The following RAB26 variants were observed in gnomAD, a reference collection of about 807,000 sequenced individuals.
RAB26 encodes ras-related protein Rab-26.
RAB26 carries 39 observed loss-of-function variants against 33.1 expected under a neutral mutation model. That is an observed-to-expected ratio of 1.18 (90% CI 0.91 to 1.54). The LOEUF (loss-of-function observed/expected upper bound fraction) is 1.54. Among genes scored for constraint, RAB26 ranks in the 40% most tolerant of loss-of-function variants. RAB26 has a pLI of 0.00. For synonymous variants in RAB26, 192 were observed against 151.9 expected (o/e 1.26, Z -1.94); for missense variants, 468 against 362.9 (o/e 1.29, Z -2.35).
At chr16:2,152,015 G>A (rs989612364) in intron 5 of RAB26, 107 bp downstream of exon 5, 1 of 1,454,054 alleles carries the variant, frequency 6.9e-7, no homozygotes, top group Non-Finnish European at 9.5e-7. Flanking sequence ...GCTGAGAGAG[G>A]GGAGGGGGAA....
In RAB26 at chr16:2,153,212, G is replaced by A; in HGVS notation, c.658G>A (p.Ala220Thr). The A allele has an allele frequency of 1.9e-6, 3 of 1,613,818 alleles. No homozygotes were observed. Among genetic ancestry groups the A allele is most frequent in the Non-Finnish European group, 2.5e-6 (3 of 1,180,018 alleles). ...TGLNVDLAFT[A>T]IAKELKQRSM... ...CCTCAACGTGGACTTGGCCTTCACAGCCATAGCAAAGTAAGTCCTGCCAGT... is the reference window on the plus strand; with the variant it reads ...CCTCAACGTGGACTTGGCCTTCACAACCATAGCAAAGTAAGTCCTGCCAGT... Residue 220 changes from alanine (A) to threonine (T), a missense_variant, in exon 8 of 9, where the codon GCC (alanine) becomes ACC (threonine). Physicochemically the swap from Ala to Thr is moderately conservative, Grantham distance 58. Coordinates refer to ENST00000210187, the MANE Select transcript of RAB26 (RefSeq NM_014353.5).
Position 2,148,981 on chromosome 16 carries a change from G to A in RAB26, c.195+3G>A, listed in dbSNP as rs1315914557. ...ACTTCTACGACGTCGCCTTCAAGGTGAGCCAGGCACCCGCCCCCCAGGCCA... is the reference window on the plus strand; with the variant it reads ...ACTTCTACGACGTCGCCTTCAAGGTAAGCCAGGCACCCGCCCCCCAGGCCA... On this transcript the variant is annotated splice_donor_region_variant and intron_variant, in intron 1 of 8. Transcript: ENST00000210187. The A allele has an allele frequency of 5.6e-5, 72 of 1,274,458 alleles. No individual in the cohort carries two copies. Among genetic ancestry groups the A allele is most frequent in the Non-Finnish European group, 6.5e-5 (66 of 1,009,410 alleles). The allele number at this position is 1,274,458 out of a possible 1,614,324, so 78.9% of individuals were successfully genotyped here.
intron 2 of RAB26, 117 bp from the exon 3 acceptor site, chr16:2,151,452 G>A: frequency 1.4e-6 from 2 of 1,456,266 alleles, no homozygotes; most frequent in South Asian, 2.3e-5. Flanking sequence ...GAAGCCTGCA[G>A]GGGCTGGGCT....
chr16:2,148,655 C>CGCA lies in RAB26; in HGVS notation c.-127_-126insAGC. The CGCA allele has an allele frequency of 2.7e-6, 2 of 753,890 alleles. No homozygotes were observed. Among genetic ancestry groups the CGCA allele is most frequent in the South Asian group, 1.2e-4 (2 of 17,204 alleles). 46.7% of individuals were successfully genotyped at this position (753,890 alleles called of 1,614,324 possible). ...AGCCGGGCGCCCGGGATGATGCCGC[C>CGCA]GCCGCCGCCGCCGCCGCCGCCGCCG... On this transcript the variant is annotated 5_prime_UTR_variant, in exon 1 of 9. Coordinates refer to ENST00000210187, the MANE Select transcript of RAB26 (RefSeq NM_014353.5).
At position 2,150,005 on chromosome 16, in the gene RAB26, C is replaced by G; in HGVS notation, c.260C>G (p.Ala87Gly). ...TCLLVRFKDG[A>G]FLAGTFISTV... ...CTGCTGGTGCGATTCAAGGATGGTGCTTTCCTGGCGGGGACCTTCATCTCC... is the reference window on the plus strand; with the variant it reads ...CTGCTGGTGCGATTCAAGGATGGTGGTTTCCTGGCGGGGACCTTCATCTCC... The change falls in exon 2 of 9, where the codon GCT becomes GGT. Residue 87 changes from alanine to glycine, a missense_variant. Transcript: ENST00000210187. The G allele has an allele frequency of 6.5e-6, 10 of 1,545,388 alleles. No individual in the cohort carries two copies. Among genetic ancestry groups the G allele is most frequent in the Non-Finnish European group, 8.7e-6 (10 of 1,144,026 alleles).
Position 2,153,376 on chromosome 16 carries a change from T to C in RAB26, c.726T>C (p.Asp242=). 1 of 1,613,452 alleles carries C rather than the reference T, an allele frequency of 6.2e-7. No individual in the cohort carries two copies. Residue 242 remains aspartate (D), a synonymous_variant, in exon 9 of 9, where the codon GAT becomes GAC. Coordinates refer to ENST00000210187, the MANE Select transcript of RAB26 (RefSeq NM_014353.5). The part of the protein sequence containing the change: ...APSEPRFRLH[D]YVKREGRGAS... ...GCGAGCCGCGCTTCCGGCTGCATGA[T>C]TACGTTAAGAGGGAGGGTCGAGGGG...
At chr16:2,152,939 C>T (rs748906502) in intron 6 of RAB26, 50 bp from the exon 7 acceptor site, 51 of 1,585,098 alleles carry the variant, frequency 3.2e-5, no homozygotes, top group Non-Finnish European at 4.3e-5. Context: ...GGTGAGGGGG[C>T]AGGGGCCAAC....
Position 2,153,991 on chromosome 16 carries a change from A to G in RAB26, c.*570A>G. 1 of 363,518 alleles carries G rather than the reference A, an allele frequency of 2.8e-6. No homozygotes were observed. The highest frequency in any genetic ancestry group is 5.5e-6 in the Non-Finnish European group (1 of 181,348). The allele number at this position is 363,518 out of a possible 1,614,324, so 22.5% of individuals were successfully genotyped here. On this transcript the variant is annotated 3_prime_UTR_variant, in exon 9 of 9. Coordinates refer to ENST00000210187, the MANE Select transcript of RAB26 (RefSeq NM_014353.5). ...CTTGTGATAAAATGTGGGAAATCAC[A>G]GAAAACACCAGAAACAACAACTGCC... is the stretch of plus-strand genomic sequence containing the variant.
intron 3 of RAB26, 25 bp from the exon 4 acceptor site, chr16:2,151,670 G>A: frequency 6.2e-7 from 1 of 1,614,030 alleles, no homozygotes; most frequent in Non-Finnish European, 8.5e-7. Context: ...GGGCTGGACA[G>A]CCTGACCAGT....
chr16:2,150,410 G>A (rs2093000979), intron 2 of RAB26, among the ~76,000 whole-genome samples: 1 of 152,206 alleles, frequency 6.6e-6, no homozygotes. Flanking sequence ...GAGCCTGAGC[G>A]AGGGTTTCCA....
At position 2,154,100 on chromosome 16, in the gene RAB26, C is replaced by A; in HGVS notation, c.*679C>A. 3.1e-6 allele frequency: 1 copy of A among 321,530 alleles called. No individual in the cohort carries two copies. Among genetic ancestry groups the A allele is most frequent in the Non-Finnish European group, 6.2e-6 (1 of 161,956 alleles). 19.9% of individuals were successfully genotyped at this position (321,530 alleles called of 1,614,324 possible). A position where few individuals can be genotyped will look rare whatever the true frequency, so the allele number is the denominator to read the frequency against. ...AACTTGGCCTTTTGATTGCACAAGC[C>A]TTTGTTTTCAGTCCTAGTGAATAAA... On this transcript the variant is annotated 3_prime_UTR_variant, in exon 9 of 9. Transcript: ENST00000210187.
chr16:2,151,371 C>G (rs1247518125), intron 2 of RAB26, 198 bp from the exon 3 acceptor site: 1 of 675,970 alleles, frequency 1.5e-6, no homozygotes, highest in Non-Finnish European at 2.6e-6. Context: ...AGGCTCTAAG[C>G]AGGAATAGTG....
chr16:2,151,998 G>A, intron 5 of RAB26, 90 bp downstream of exon 5: 1 of 1,531,036 alleles, frequency 6.5e-7, no homozygotes, highest in Non-Finnish European at 9.0e-7. Context: ...GGGTTCCAAA[G>A]GACCCCGCTG....
rs1404340050 is a variant in RAB26, at chr16:2,148,631, G to A, written c.-153G>A. ...GTGGAGCGGCGGGGGCGGGGCGCGA[G>A]CCGGGCGCCCGGGATGATGCCGCCG... is the stretch of plus-strand genomic sequence containing the variant. On this transcript the variant is annotated 5_prime_UTR_variant, in exon 1 of 9. Transcript: ENST00000210187. The A allele has an allele frequency of 7.0e-6, 3 of 429,234 alleles. No homozygotes were observed. Among genetic ancestry groups the A allele is most frequent in the Non-Finnish European group, 9.3e-6 (3 of 323,848 alleles). 26.6% of individuals were successfully genotyped at this position (429,234 alleles called of 1,614,324 possible).
At chr16:2,149,382 C>T (rs903286052) in intron 1 of RAB26, among the ~76,000 whole-genome samples, 2 of 148,280 alleles carry the variant, frequency 1.3e-5, no homozygotes, top group African/African-American at 2.5e-5. Flanking sequence ...CAGACCAAGG[C>T]AGAGGCTGTG....
In RAB26 at chr16:2,153,967, T is replaced by C. The variant is rs183966572; in HGVS notation, c.*546T>C. The C allele has an allele frequency of 2.7e-6, 1 of 371,306 alleles. No homozygotes were observed. The highest frequency in any genetic ancestry group is 3.4e-5 in the Admixed American group (1 of 29,040). 23.0% of individuals were successfully genotyped at this position (371,306 alleles called of 1,614,324 possible). ...CTGACCTTGGAGGATGCCTGTGGCC[T>C]TGTGATAAAATGTGGGAAATCACAG... On this transcript the variant is annotated 3_prime_UTR_variant, in exon 9 of 9. Transcript: ENST00000210187.
chr16:2,153,282 C>T (rs763949549), intron 8 of RAB26, 37 bp from the exon 9 acceptor site: 1 of 1,613,342 alleles, frequency 6.2e-7, no homozygotes, highest in Non-Finnish European at 8.5e-7. Flanking sequence ...CATTAGAGTC[C>T]AGGCCATCGT....
chr16:2,154,158 T>C lies in RAB26; in HGVS notation c.*737T>C, dbSNP rs1196575016. ...TTTCTGGAGCGTCTGTCTCATCTGT[T>C]GAAAAAAATCCACTTCTAGAGCAGG... On this transcript the variant is annotated 3_prime_UTR_variant, in exon 9 of 9. Transcript: ENST00000210187. The C allele has an allele frequency of 3.6e-6, 1 of 275,984 alleles. No homozygotes were observed. The highest frequency in any genetic ancestry group is 7.2e-6 in the Non-Finnish European group (1 of 138,320). The allele number at this position is 275,984 out of a possible 1,614,324, so 17.1% of individuals were successfully genotyped here.
intron 2 of RAB26, among the ~76,000 whole-genome samples, chr16:2,150,753 G>C (rs1372475344): frequency 6.6e-6 from 1 of 152,204 alleles, no homozygotes; most frequent in Non-Finnish European, 1.5e-5. Flanking sequence ...GTGGTAAGAG[G>C]TGAGGCCATT....
Sources: gnomAD v4.1 joint callset for allele counts (sites outside exome capture counted in the v4.1 genomes callset) on GRCh38, gnomAD v4.1.1 for gene constraint, MANE v1.5 for transcripts, NCBI Gene and HGNC (gene_info 2026-07-23, HGNC 2026-07-21) for gene names.